The following KIRREL3 variants were observed in gnomAD, a reference collection of about 807,000 sequenced individuals.
KIRREL3 encodes the protein kirre like nephrin family adhesion molecule 3.
In KIRREL3, 36 loss-of-function variants were observed where a neutral mutation model predicts 89.7. That is an observed-to-expected ratio of 0.40 (90% CI 0.31 to 0.53). The LOEUF is 0.53. Among genes scored for constraint, KIRREL3 ranks in the 20% least tolerant of loss-of-function variants. The pLI, the probability that KIRREL3 is intolerant of heterozygous loss-of-function variation, is 0.49. For synonymous variants in KIRREL3, 445 were observed against 441.4 expected (o/e 1.01, Z -0.10); for missense variants, 864 against 1,056.6 (o/e 0.82, Z 2.53).
chr11:126,737,653 A>T (rs1001796891), intron 1 of KIRREL3, among the ~76,000 whole-genome samples: 2 of 152,192 alleles, frequency 1.3e-5, no homozygotes, highest in African/African-American at 4.8e-5. Context: ...CCAGCTCGGA[A>T]TTCTCCAGTA....
chr11:126,678,599 C>CAAAAAAAAAAAAAAAAAAAAA lies in KIRREL3; in HGVS notation c.56-115708_56-115688dup, dbSNP rs59342253. ...TGGGCGATAGAGCAAGACTCTGTCT[C>CAAAAAAAAAAAAAAAAAAAAA]AAAAAAAAAAAAAAAAAAAAAAAAA... On this transcript the variant is annotated intron_variant, in intron 1 of 16. Coordinates refer to ENST00000525144, the MANE Select transcript of KIRREL3 (RefSeq NM_032531.4). Among the ~76,000 whole-genome samples the CAAAAAAAAAAAAAAAAAAAAA allele has an allele frequency of 1.2e-4, 6 of 50,046 alleles. 1 individual carries two copies. The highest frequency in any genetic ancestry group is 1.6e-4 in the African/African-American group (2 of 12,224). 32.8% of individuals were successfully genotyped at this position (50,046 alleles called of 152,430 possible). A position where few individuals can be genotyped will look rare whatever the true frequency, so the allele number is the denominator to read the frequency against.
Position 126,572,449 on chromosome 11 carries a change from G to A in KIRREL3, c.56-9537C>T, listed in dbSNP as rs1023096817. Among the ~76,000 whole-genome samples the A allele has an allele frequency of 2.6e-5, 4 of 152,372 alleles. No homozygotes were observed. In the South Asian group the frequency reaches 8.3e-4, roughly 32 times the overall value. On this transcript the variant is annotated intron_variant, in intron 1 of 16. Transcript: ENST00000525144. ...ACACAACTGGGAAATGGACGACCCA[G>A]GATTAGAACCCAGGCCCATTTGGTT... is the stretch of plus-strand genomic sequence containing the variant.
chr11:126,971,142 G>A (rs1328515944), intron 1 of KIRREL3, among the ~76,000 whole-genome samples: 3 of 152,104 alleles, frequency 2.0e-5, no homozygotes, highest in Admixed American at 6.6e-5. Flanking sequence ...CGAGTACAAA[G>A]TATTATCTAC....
chr11:126,667,126 AG>A (rs1211918970), intron 1 of KIRREL3, among the ~76,000 whole-genome samples: 5 of 152,256 alleles, frequency 3.3e-5, no homozygotes, highest in Non-Finnish European at 5.9e-5. Context: ...TGGAGGACAA[AG>A]CATCTCAGTA....
intron 4 of KIRREL3, among the ~76,000 whole-genome samples, chr11:126,482,661 T>C (rs145150433): frequency 3.2e-4 from 48 of 152,344 alleles, no homozygotes; most frequent in African/African-American, 1.1e-3. Flanking sequence ...AAGTCCCAGA[T>C]TGCCCCCTTG....
rs1156619155 is a variant in KIRREL3 at position 126,677,435 on chromosome 11, T to TTG, written c.56-114525_56-114524dup. ...AGGATGTTGGCATAGTCTGGGTGCTTTGCTATCTATTATCTCCTCTAATTC... is the reference window on the plus strand; with the variant it reads ...AGGATGTTGGCATAGTCTGGGTGCTTTGTGCTATCTATTATCTCCTCTAATTC... On this transcript the variant is annotated intron_variant, in intron 1 of 16. Coordinates refer to ENST00000525144, the MANE Select transcript of KIRREL3 (RefSeq NM_032531.4). This position sits in a 1 kb window ranked among gnomAD's most constrained non-coding sequence, Gnocchi z 5.1. 6.6e-6 allele frequency among the ~76,000 whole-genome samples: 1 copy of TTG among 152,190 alleles called. No homozygotes were observed. Among genetic ancestry groups the TTG allele is most frequent in the African/African-American group, 2.4e-5 (1 of 41,444 alleles).
At chr11:126,583,240 G>C (rs1262356492) in intron 1 of KIRREL3, among the ~76,000 whole-genome samples, 2 of 152,176 alleles carry the variant, frequency 1.3e-5, no homozygotes, top group Non-Finnish European at 2.9e-5. Context: ...GGTATTGTGT[G>C]GTTACCAGGG....
intron 1 of KIRREL3, among the ~76,000 whole-genome samples, chr11:126,621,992 T>C (rs1268458975): frequency 6.6e-6 from 1 of 152,116 alleles, no homozygotes; most frequent in East Asian, 1.9e-4. Context: ...GAAGGTACAT[T>C]GTAGTCTCTG....
intron 1 of KIRREL3, among the ~76,000 whole-genome samples, chr11:126,967,745 C>A (rs758243297): frequency 6.6e-6 from 1 of 152,022 alleles, no homozygotes; most frequent in Non-Finnish European, 1.5e-5. Context: ...CAGGTGGGGG[C>A]GATTTTCTCC....
chr11:126,823,108 C>T (rs1020515219), intron 1 of KIRREL3, among the ~76,000 whole-genome samples: 1 of 152,154 alleles, frequency 6.6e-6, no homozygotes, highest in Non-Finnish European at 1.5e-5. Flanking sequence ...AGAGACTAAA[C>T]GGTCCATCTG....
chr11:126,623,931 G>C lies in KIRREL3; in HGVS notation c.56-61019C>G, dbSNP rs1375514416. ...TCTTTTTATTCATTGAGAAAGTAAC[G>C]GTGAGCAGTTTTGTGAATTCTGTGA... On this transcript the variant is annotated intron_variant, in intron 1 of 16. Transcript: ENST00000525144. The surrounding 1 kb of genome is among the most constrained non-coding windows in gnomAD (Gnocchi z 4.1). Among the ~76,000 whole-genome samples the C allele has an allele frequency of 6.6e-6, 1 of 152,086 alleles. No individual in the cohort carries two copies. Among genetic ancestry groups the C allele is most frequent in the Non-Finnish European group, 1.5e-5 (1 of 68,016 alleles).
chr11:126,863,738 GA>G (rs993266839), intron 1 of KIRREL3, among the ~76,000 whole-genome samples: 3 of 152,084 alleles, frequency 2.0e-5, no homozygotes, highest in African/African-American at 7.2e-5. Flanking sequence ...AAGAGGAATG[GA>G]ATCAGTGAAG....
At chr11:126,509,697 T>A (rs1286048641) in intron 4 of KIRREL3, among the ~76,000 whole-genome samples, 1 of 152,086 alleles carries the variant, frequency 6.6e-6, no homozygotes, top group African/African-American at 2.4e-5. Context: ...CACCAACATA[T>A]CTCAGCACTC....
chr11:126,786,021 T>C (rs770633092), intron 1 of KIRREL3, among the ~76,000 whole-genome samples: 1 of 151,974 alleles, frequency 6.6e-6, no homozygotes, highest in Non-Finnish European at 1.5e-5. Context: ...TTTGTCAACC[T>C]GTTCCAAGAA....
rs371214899 is a variant in KIRREL3, at chr11:126,705,971, T to G, written c.56-143059A>C. Among the ~76,000 whole-genome samples the G allele has an allele frequency of 1.1e-3, 161 of 152,298 alleles. 2 individuals are homozygous for G. The South Asian group carries it at 0.024, about 23-fold the overall frequency. On this transcript the variant is annotated intron_variant, in intron 1 of 16. Transcript: ENST00000525144. The surrounding 1 kb of genome is among the most constrained non-coding windows in gnomAD (Gnocchi z 4.3). ...GAGAAGCCTACCCCACATGGAAATA[T>G]ACACAGAGGAAAATGGAGGCAGTGG... is the stretch of plus-strand genomic sequence containing the variant.
rs1949818917 is a variant in KIRREL3 at position 126,766,234 on chromosome 11, CT to C, written c.56-203323del. On this transcript the variant is annotated intron_variant, in intron 1 of 16. Coordinates refer to ENST00000525144, the MANE Select transcript of KIRREL3 (RefSeq NM_032531.4). The surrounding 1 kb of genome is among the most constrained non-coding windows in gnomAD (Gnocchi z 4.2). ...CCTTGTCTTCCTGGCCCTCAGTTGG[CT>C]GAGAACAGTAGGAGCCCATAACAGA... Among the ~76,000 whole-genome samples, 1 of 151,972 alleles carries C rather than the reference CT, an allele frequency of 6.6e-6. No individual in the cohort carries two copies. Among genetic ancestry groups the C allele is most frequent in the South Asian group, 2.1e-4 (1 of 4,816 alleles).
At chr11:126,633,199 T>C (rs867584482) in intron 1 of KIRREL3, among the ~76,000 whole-genome samples, 2 of 152,148 alleles carry the variant, frequency 1.3e-5, no homozygotes, top group Non-Finnish European at 2.9e-5. Flanking sequence ...TAAAATCTGA[T>C]TTCCCAACAC....
At chr11:126,512,885 A>G (rs983450618) in intron 4 of KIRREL3, among the ~76,000 whole-genome samples, 1 of 152,154 alleles carries the variant, frequency 6.6e-6, no homozygotes, top group African/African-American at 2.4e-5. Flanking sequence ...TGGGTTTAAC[A>G]CTTCATCTCT....
intron 4 of KIRREL3, among the ~76,000 whole-genome samples, chr11:126,481,306 C>G (rs1957211637): frequency 1.3e-5 from 2 of 152,184 alleles, no homozygotes; most frequent in Non-Finnish European, 2.9e-5. Context: ...TGCTGGTCTT[C>G]CCTAGTTAGC....
Sources: gnomAD v4.1 joint callset for allele counts (sites outside exome capture counted in the v4.1 genomes callset) on GRCh38, gnomAD v4.1.1 for gene constraint, Gnocchi (gnomAD v3.1) non-coding constraint, MANE v1.5 for transcripts, NCBI Gene and HGNC (gene_info 2026-07-23, HGNC 2026-07-21) for gene names.